The following PSD3 variants were observed in gnomAD, a reference collection of about 807,000 sequenced individuals.
The protein encoded by PSD3 is pleckstrin and Sec7 domain containing 3, also known as PH and SEC7 domain-containing protein 3.
A neutral mutation model predicts 105.5 loss-of-function variants in PSD3; 49 were observed. That is an observed-to-expected ratio of 0.46 (90% CI 0.37 to 0.59). The LOEUF is 0.59. Among genes scored for constraint, PSD3 ranks in the 20% least tolerant of loss-of-function variants. The pLI is 0.00. For synonymous variants in PSD3, 557 were observed against 457.8 expected (o/e 1.22, Z -2.77); for missense variants, 1,561 against 1,263.8 (o/e 1.24, Z -3.57).
At chr8:18,581,243 C>G (rs571609103) in intron 12 of PSD3, among the ~76,000 whole-genome samples, 29 of 152,250 alleles carry the variant, frequency 1.9e-4, no homozygotes, top group African/African-American at 6.5e-4. Context: ...ATAGCACTTT[C>G]TAATTTTTAA....
chr8:18,866,419 T>A (rs1324975051), intron 4 of PSD3, among the ~76,000 whole-genome samples: 4 of 152,194 alleles, frequency 2.6e-5, no homozygotes, highest in Non-Finnish European at 5.9e-5. Flanking sequence ...TGCGAGGTGC[T>A]TTAGTCTCTA....
intron 12 of PSD3, among the ~76,000 whole-genome samples, chr8:18,594,238 AT>A (rs1445576163): frequency 2.3e-4 from 1 of 4,336 alleles, no homozygotes; most frequent in Non-Finnish European, 5.9e-4. Flanking sequence ...TATAATATAT[AT>A]TATTATATAT....
At chr8:18,675,570 C>T (rs531620016) in intron 9 of PSD3, among the ~76,000 whole-genome samples, 1 of 152,098 alleles carries the variant, frequency 6.6e-6, no homozygotes, top group Admixed American at 6.5e-5. Context: ...CTCAGCCAGC[C>T]CGTTCAGAAA....
intron 9 of PSD3, among the ~76,000 whole-genome samples, chr8:18,713,422 A>G (rs904752365): frequency 6.6e-6 from 1 of 152,220 alleles, no homozygotes; most frequent in Admixed American, 6.5e-5. Context: ...CTGATAAGTC[A>G]CTTCAGCAAT....
intron 9 of PSD3, among the ~76,000 whole-genome samples, chr8:18,685,964 G>T (rs1487450978): frequency 6.6e-6 from 1 of 152,150 alleles, no homozygotes; most frequent in Admixed American, 6.5e-5. Flanking sequence ...TCATCATAAT[G>T]AGGAGTTATA....
intron 1 of PSD3, chr8:19,001,606 C>A (rs1054644602): frequency 2.0e-5 from 3 of 151,940 alleles, no homozygotes; most frequent in African/African-American, 7.2e-5. Context: ...GACTGACTGG[C>A]TAACAAGTGG....
At chr8:18,766,209 C>T (rs369102636) in intron 8 of PSD3, among the ~76,000 whole-genome samples, 13 of 152,114 alleles carry the variant, frequency 8.5e-5, no homozygotes, top group East Asian at 3.9e-4. Flanking sequence ...TGGCAGGCGC[C>T]TGTAGTCCTA....
At chr8:18,742,246 C>G (rs927868421) in intron 9 of PSD3, among the ~76,000 whole-genome samples, 23 of 151,918 alleles carry the variant, frequency 1.5e-4, no homozygotes, top group African/African-American at 5.6e-4. Context: ...ATATGATTTA[C>G]CAAAAAAGAA....
At chr8:18,936,468 G>A (rs529337247) in intron 1 of PSD3, among the ~76,000 whole-genome samples, 60 of 152,282 alleles carry the variant, frequency 3.9e-4, no homozygotes, top group African/African-American at 1.4e-3. Flanking sequence ...TCTGCAATTA[G>A]AAAACTATAT....
At chr8:18,772,851 A>G (rs1172962480) in intron 8 of PSD3, among the ~76,000 whole-genome samples, 1 of 152,180 alleles carries the variant, frequency 6.6e-6, no homozygotes, top group Non-Finnish European at 1.5e-5. Flanking sequence ...AATATCTATT[A>G]AAGTATTTTT....
chr8:18,548,961 G>C (rs1800605614), intron 15 of PSD3, among the ~76,000 whole-genome samples: 1 of 152,080 alleles, frequency 6.6e-6, no homozygotes, highest in South Asian at 2.1e-4. Flanking sequence ...TTAATATTCT[G>C]AGTGGGATGT....
At chr8:19,015,233 C>T (rs1350500562), upstream of PSD3, among the ~76,000 whole-genome samples, 1 of 152,140 alleles carries the variant, frequency 6.6e-6, no homozygotes, top group Non-Finnish European at 1.5e-5. Context: ...CTCTCTTGGC[C>T]TACTGCCATC....
chr8:18,627,140 G>C (rs986157017), intron 11 of PSD3, among the ~76,000 whole-genome samples: 3 of 152,024 alleles, frequency 2.0e-5, no homozygotes, highest in Non-Finnish European at 4.4e-5. Context: ...TGAAGAGAAA[G>C]AAACAAATGA....
intron 4 of PSD3, among the ~76,000 whole-genome samples, chr8:18,814,785 C>T (rs1201931284): frequency 2.0e-5 from 3 of 152,156 alleles, no homozygotes; most frequent in Non-Finnish European, 4.4e-5. Context: ...ACAGTCTGAC[C>T]AACTCATTTT....
chr8:18,565,374 G>C (rs1801672630), intron 14 of PSD3, among the ~76,000 whole-genome samples: 2 of 152,198 alleles, frequency 1.3e-5, no homozygotes, highest in African/African-American at 2.4e-5. Flanking sequence ...GAAGAAAAAT[G>C]TGCTCTGGCA....
rs1434903146 is a variant in PSD3, at chr8:18,632,944, A to G, written c.2217-138T>C. The G allele has an allele frequency of 1.8e-5, 12 of 666,218 alleles. No homozygotes were observed. In the East Asian group the frequency reaches 2.8e-4, roughly 15 times the overall value. The allele number at this position is 666,218 out of a possible 1,614,324, so 41.3% of individuals were successfully genotyped here. A position where few individuals can be genotyped will look rare whatever the true frequency, so the allele number is the denominator to read the frequency against. ...AACCACCACCATGATAATGACAGACACCATTTGTTAAATGTATTCTGTGTG... is the reference window on the plus strand; with the variant it reads ...AACCACCACCATGATAATGACAGACGCCATTTGTTAAATGTATTCTGTGTG... On this transcript the variant is annotated intron_variant, in intron 10 of 15. Coordinates refer to ENST00000327040, the MANE Select transcript of PSD3 (RefSeq NM_015310.4).
chr8:18,627,648 G>T (rs991579066), intron 11 of PSD3, among the ~76,000 whole-genome samples: 1 of 151,872 alleles, frequency 6.6e-6, no homozygotes, highest in Non-Finnish European at 1.5e-5. Context: ...AAGGGTAAAG[G>T]CAAGCGTCTA....
chr8:18,985,338 A>C (rs185234189), intron 1 of PSD3, among the ~76,000 whole-genome samples: 4 of 152,314 alleles, frequency 2.6e-5, no homozygotes, highest in Non-Finnish European at 4.4e-5. Flanking sequence ...TCTCATTAAA[A>C]TGAACAAACA....
At chr8:18,821,202 A>G (rs994792082) in intron 4 of PSD3, among the ~76,000 whole-genome samples, 1 of 150,360 alleles carries the variant, frequency 6.7e-6, no homozygotes. Flanking sequence ...ATTTAATTCT[A>G]AAGTTTTATG....
Sources: gnomAD v4.1 joint callset for allele counts (sites outside exome capture counted in the v4.1 genomes callset) on GRCh38, gnomAD v4.1.1 for gene constraint, MANE v1.5 for transcripts, NCBI Gene and HGNC (gene_info 2026-07-23, HGNC 2026-07-21) for gene names.